ROBO1: variants seen among roughly 807,000 people sequenced by gnomAD.
ROBO1 encodes roundabout guidance receptor 1, also known as roundabout homolog 1.
In ROBO1, 149 loss-of-function variants were observed where a neutral mutation model predicts 195.9. The ratio of observed to expected loss-of-function variants is 0.76; its 90% CI spans 0.67 to 0.87. The LOEUF (loss-of-function observed/expected upper bound fraction) is 0.87, where lower values mean the gene tolerates loss of function less well. Among genes scored for constraint, ROBO1 ranks in the 40% least tolerant of loss-of-function variants. ROBO1 has a pLI of 0.00. For synonymous variants in ROBO1, 816 were observed against 733.2 expected (o/e 1.11, Z -1.82); for missense variants, 1,933 against 2,068.3 (o/e 0.93, Z 1.27).
intron 3 of ROBO1, among the ~76,000 whole-genome samples, chr3:78,949,963 A>G (rs2107766256): frequency 6.6e-6 from 1 of 152,340 alleles, no homozygotes; most frequent in African/African-American, 2.4e-5. Flanking sequence ...ATAATGAGAT[A>G]CCATCTCACA....
At chr3:78,883,933 T>C (rs974806318) in intron 4 of ROBO1, among the ~76,000 whole-genome samples, 7 of 152,034 alleles carry the variant, frequency 4.6e-5, no homozygotes, top group African/African-American at 1.4e-4. Flanking sequence ...AAAGCTAGGA[T>C]GGGGGATTAT....
intron 4 of ROBO1, among the ~76,000 whole-genome samples, chr3:78,921,012 G>A (rs916160598): frequency 9.2e-5 from 14 of 151,776 alleles, no homozygotes; most frequent in South Asian, 4.1e-4. Context: ...CCTGAGCCTC[G>A]GTTTCATAAT....
chr3:79,307,041 C>A (rs922225769), intron 2 of ROBO1, among the ~76,000 whole-genome samples: 1 of 150,538 alleles, frequency 6.6e-6, no homozygotes, highest in Admixed American at 6.7e-5. Context: ...AATGCTTATT[C>A]TCTTAGTTCT....
At chr3:78,610,302 C>T (rs1023469849) in intron 28 of ROBO1, among the ~76,000 whole-genome samples, 1 of 152,136 alleles carries the variant, frequency 6.6e-6, no homozygotes, top group Non-Finnish European at 1.5e-5. Context: ...GATGTCCCCT[C>T]CCTTGATGTT....
chr3:79,139,229 G>A (rs9871860), intron 2 of ROBO1, among the ~76,000 whole-genome samples: 109,424 of 151,734 alleles, frequency 0.72, 39,508 homozygotes, highest in East Asian at 0.79. Flanking sequence ...AGGTAAATTC[G>A]TTAATGGATA....
intron 4 of ROBO1, among the ~76,000 whole-genome samples, chr3:78,825,634 A>G (rs1381593729): frequency 6.6e-6 from 1 of 152,176 alleles, no homozygotes; most frequent in African/African-American, 2.4e-5. Flanking sequence ...ATGCACCCAT[A>G]GTAGGTGTCA....
intron 3 of ROBO1, among the ~76,000 whole-genome samples, chr3:78,942,307 A>G (rs2107707503): frequency 6.6e-6 from 1 of 152,256 alleles, no homozygotes; most frequent in African/African-American, 2.4e-5. Context: ...TCAAAGATAA[A>G]GAAAGGAAGA....
Position 78,869,118 on chromosome 3 carries a change from CAACA to C in ROBO1, c.499+69479_499+69482del, listed in dbSNP as rs2035374918. Among the ~76,000 whole-genome samples the C allele has an allele frequency of 3.3e-5, 5 of 151,900 alleles. No homozygotes were observed. In the South Asian group the frequency reaches 1.0e-3, roughly 32 times the overall value. ...TTTTTTTTAAGAAACTTTTTTATTGCAACAAACAATTCAATGAAATTGAAGTTTA... is the reference window on the plus strand; with the variant it reads ...TTTTTTTTAAGAAACTTTTTTATTGCAACAATTCAATGAAATTGAAGTTTA... On this transcript the variant is annotated intron_variant, in intron 4 of 30. Transcript: ENST00000464233.
chr3:78,653,681 C>G (rs749232632), intron 18 of ROBO1, among the ~76,000 whole-genome samples: 1 of 152,196 alleles, frequency 6.6e-6, no homozygotes, highest in African/African-American at 2.4e-5. Context: ...CTAAGCAACA[C>G]ACTGGGAGGT....
At chr3:79,720,894 G>A (rs1327962691) in intron 1 of ROBO1, among the ~76,000 whole-genome samples, 5 of 151,022 alleles carry the variant, frequency 3.3e-5, no homozygotes, top group East Asian at 2.0e-4. Context: ...CCAGGTTCAC[G>A]CCATTCTCCT....
intron 2 of ROBO1, among the ~76,000 whole-genome samples, chr3:79,425,706 C>T (rs918888523): frequency 1.3e-5 from 2 of 151,558 alleles, no homozygotes; most frequent in Non-Finnish European, 2.9e-5. Flanking sequence ...AACACACACA[C>T]ACATACACAC....
intron 24 of ROBO1, 28 bp from the exon 25 acceptor site, chr3:78,631,333 T>C (rs745756177): frequency 5.6e-6 from 9 of 1,607,540 alleles, no homozygotes; most frequent in South Asian, 1.1e-5. Context: ...TAGAAGCCAT[T>C]GATCTCTGGC....
chr3:79,440,454 T>C (rs570728450), intron 2 of ROBO1, among the ~76,000 whole-genome samples: 1 of 152,250 alleles, frequency 6.6e-6, no homozygotes, highest in South Asian at 2.1e-4. Flanking sequence ...TACACTCATA[T>C]ATCACAGCCA....
chr3:78,748,215 G>T (rs2082704141), intron 4 of ROBO1, among the ~76,000 whole-genome samples: 1 of 152,186 alleles, frequency 6.6e-6, no homozygotes, highest in African/African-American at 2.4e-5. Flanking sequence ...GGAGGCCAAG[G>T]AGGGCGGATT....
intron 3 of ROBO1, among the ~76,000 whole-genome samples, chr3:79,059,030 T>TC (rs2078865092): frequency 6.6e-6 from 1 of 152,108 alleles, no homozygotes; most frequent in African/African-American, 2.4e-5. Flanking sequence ...AAAAATTGGC[T>TC]AATCAAATTA....
chr3:79,762,115 C>T (rs557727872), intron 1 of ROBO1, among the ~76,000 whole-genome samples: 4 of 152,228 alleles, frequency 2.6e-5, no homozygotes, highest in South Asian at 4.1e-4. Context: ...GGAATAGGTG[C>T]CTTGTAAACA....
chr3:78,936,942 A>G (rs183487276), intron 4 of ROBO1, among the ~76,000 whole-genome samples: 22 of 152,292 alleles, frequency 1.4e-4, no homozygotes, highest in Admixed American at 1.3e-3. Context: ...TTTACTGAGA[A>G]TCAAGACAAT....
rs1216056195 is a variant in ROBO1, at chr3:79,767,782, A to AGG, written c.-83_-82dup. 6.6e-6 allele frequency: 1 copy of AGG among 152,194 alleles called. No homozygotes were observed. Among genetic ancestry groups the AGG allele is most frequent in the African/African-American group, 2.4e-5 (1 of 41,444 alleles). The allele number at this position is 152,194 out of a possible 1,614,324, so 9.4% of individuals were successfully genotyped here. On this transcript the variant is annotated 5_prime_UTR_variant, in exon 1 of 31. Coordinates refer to ENST00000464233, the MANE Select transcript of ROBO1 (RefSeq NM_002941.4). ...CATAAGACTGTTTTCAGCAATCTAGAGGCTCCGTAGTGCAGACGCAGCCCT... is the reference window on the plus strand; with the variant it reads ...CATAAGACTGTTTTCAGCAATCTAGAGGGGCTCCGTAGTGCAGACGCAGCCCT...
At chr3:78,629,657 CAACCA>C (rs59055817) in intron 25 of ROBO1, among the ~76,000 whole-genome samples, 2,037 of 150,424 alleles carry the variant, frequency 0.014, 45 homozygotes, top group African/African-American at 0.041. Context: ...AAAACCAAAC[CAACCA>C]AACCAAACCA....
Sources: allele counts gnomAD v4.1 joint callset (sites outside exome capture counted in the v4.1 genomes callset), GRCh38; gene constraint gnomAD v4.1.1; transcripts MANE v1.5; gene names NCBI Gene and HGNC (gene_info 2026-07-23, HGNC 2026-07-21).